TMEM232: variants seen among roughly 807,000 people sequenced by gnomAD.
The protein encoded by TMEM232 is transmembrane protein 232.
A neutral mutation model predicts 78.8 loss-of-function variants in TMEM232; 80 were observed. The observed-to-expected ratio is 1.01, with a 90% CI of 0.85 to 1.22. TMEM232 has a LOEUF of 1.22. Ranked by LOEUF, TMEM232 falls within the 50% of genes most tolerant of loss-of-function variation. The pLI, the probability that TMEM232 is intolerant of heterozygous loss-of-function variation, is 0.00. For missense variants in TMEM232, 881 were observed against 742.2 expected, an observed-to-expected ratio of 1.19 and a Z score of -2.17; for synonymous variants, 297 against 254.3, an observed-to-expected ratio of 1.17 and a Z score of -1.60.
chr5:110,469,718 G>C (rs1171247130), intron 12 of TMEM232, among the ~76,000 whole-genome samples: 1 of 152,136 alleles, frequency 6.6e-6, no homozygotes, highest in African/African-American at 2.4e-5. Flanking sequence ...AATCCCCTCA[G>C]CCTGAGCTGA....
intron 2 of TMEM232, among the ~76,000 whole-genome samples, chr5:110,651,382 G>A (rs1352226194): frequency 6.6e-6 from 1 of 150,386 alleles, no homozygotes; most frequent in Non-Finnish European, 1.5e-5. Flanking sequence ...CAGAAAGCAA[G>A]AGACAAAGAA....
At chr5:110,490,624 C>T (rs892209839) in intron 12 of TMEM232, among the ~76,000 whole-genome samples, 2 of 152,038 alleles carry the variant, frequency 1.3e-5, no homozygotes, top group Admixed American at 6.6e-5. Context: ...GTGGGACTGA[C>T]ATAAGCATAG....
intron 10 of TMEM232, among the ~76,000 whole-genome samples, chr5:110,585,868 T>C (rs1477233802): frequency 6.6e-6 from 1 of 152,012 alleles, no homozygotes; most frequent in African/African-American, 2.4e-5. Flanking sequence ...GAAGTACTAA[T>C]GCAAACAAAA....
At chr5:110,708,037 G>A (rs768084786) in intron 1 of TMEM232, among the ~76,000 whole-genome samples, 1 of 152,138 alleles carries the variant, frequency 6.6e-6, no homozygotes, top group African/African-American at 2.4e-5. Context: ...CATGAGCCTT[G>A]GGTGAGACTC....
At chr5:110,520,572 G>C (rs1561614703) in intron 12 of TMEM232, among the ~76,000 whole-genome samples, 1 of 152,138 alleles carries the variant, frequency 6.6e-6, no homozygotes, top group African/African-American at 2.4e-5. Flanking sequence ...ATTAAGAAGA[G>C]TTTTGTTCCA....
At chr5:110,566,396 C>T (rs180961087) in intron 11 of TMEM232, among the ~76,000 whole-genome samples, 2 of 151,856 alleles carry the variant, frequency 1.3e-5, no homozygotes, top group East Asian at 3.9e-4. Flanking sequence ...TGAATTCCTT[C>T]CCAAAAAATG....
chr5:110,479,447 C>A (rs1036401366), intron 12 of TMEM232, among the ~76,000 whole-genome samples: 9 of 151,776 alleles, frequency 5.9e-5, no homozygotes, highest in African/African-American at 2.2e-4. Flanking sequence ...TCATGTCTCT[C>A]TAGTCACTAA....
intron 10 of TMEM232, among the ~76,000 whole-genome samples, chr5:110,573,803 G>A (rs779561541): frequency 6.6e-6 from 1 of 152,052 alleles, no homozygotes; most frequent in African/African-American, 2.4e-5. Context: ...ATTTCCAAGA[G>A]TGGAGGATGA....
Position 110,585,572 on chromosome 5 carries a change from G to A in TMEM232, c.1277-16947C>T, listed in dbSNP as rs550594501. Among the ~76,000 whole-genome samples the A allele has an allele frequency of 1.2e-4, 18 of 152,260 alleles. 1 individual carries two copies. The highest frequency in any genetic ancestry group is 6.8e-3 in the Middle Eastern group (2 of 292). ...TCAAGATTTGGAAAATGGAGTAAAA[G>A]TGGGCAGTCTTAGAATATTTGGCCA... On this transcript the variant is annotated intron_variant, in intron 10 of 13. Coordinates refer to ENST00000455884, the MANE Select transcript of TMEM232 (RefSeq NM_001039763.4).
intron 2 of TMEM232, among the ~76,000 whole-genome samples, chr5:110,731,957 T>C (rs1317285185): frequency 3.3e-5 from 5 of 152,192 alleles, no homozygotes; most frequent in Non-Finnish European, 7.3e-5. Context: ...CCTTTTAAAA[T>C]TGAATGCTTT....
intron 12 of TMEM232, chr5:110,429,880 A>G (rs1053605456): frequency 6.6e-6 from 1 of 151,646 alleles, no homozygotes; most frequent in African/African-American, 2.4e-5. Context: ...CATTGTTTGG[A>G]ACCTTACCTT....
intron 12 of TMEM232, among the ~76,000 whole-genome samples, chr5:110,463,360 A>G (rs548284083): frequency 6.6e-6 from 1 of 152,344 alleles, no homozygotes; most frequent in South Asian, 2.1e-4. Context: ...ATGTTATTGC[A>G]TGCTTCATAG....
At chr5:110,394,457 G>T (rs1426939639) in intron 3 of TMEM232, among the ~76,000 whole-genome samples, 3 of 152,030 alleles carry the variant, frequency 2.0e-5, no homozygotes, top group African/African-American at 7.2e-5. Context: ...CCTTTCCTTT[G>T]GTTATATACC....
rs1756503162 is a variant in TMEM232, at chr5:110,420,258, C to T, written c.*322G>A. 1 of 178,604 alleles carries T rather than the reference C, an allele frequency of 5.6e-6. No homozygotes were observed. The highest frequency in any genetic ancestry group is 1.2e-5 in the Non-Finnish European group (1 of 86,520). The allele number at this position is 178,604 out of a possible 1,614,324, so 11.1% of individuals were successfully genotyped here. A position where few individuals can be genotyped will look rare whatever the true frequency, so the allele number is the denominator to read the frequency against. ...ATCAAACTGTTTGTTTGATGAATAT[C>T]AATGTTCTGAGAATCAGTTATCAAG... On this transcript the variant is annotated 3_prime_UTR_variant, in exon 14 of 14. Coordinates refer to ENST00000455884, the MANE Select transcript of TMEM232 (RefSeq NM_001039763.4).
intron 1 of TMEM232, among the ~76,000 whole-genome samples, chr5:110,696,293 G>A (rs955269116): frequency 6.6e-6 from 1 of 152,142 alleles, no homozygotes; most frequent in Non-Finnish European, 1.5e-5. Flanking sequence ...GGTATTGATG[G>A]GACGTATCTC....
chr5:110,449,805 C>G (rs988123024), intron 12 of TMEM232, among the ~76,000 whole-genome samples: 3 of 152,134 alleles, frequency 2.0e-5, no homozygotes, highest in African/African-American at 7.2e-5. Context: ...ATGGCTTCTT[C>G]TAAAATTTGT....
intron 9 of TMEM232, among the ~76,000 whole-genome samples, chr5:110,605,913 A>G (rs1045724091): frequency 5.9e-5 from 9 of 152,092 alleles, no homozygotes; most frequent in African/African-American, 1.7e-4. Flanking sequence ...CAAATTTAAT[A>G]ACCAACAATA....
At chr5:110,611,905 C>T (rs1379998678) in intron 8 of TMEM232, among the ~76,000 whole-genome samples, 2 of 152,140 alleles carry the variant, frequency 1.3e-5, no homozygotes, top group East Asian at 1.9e-4. Context: ...CATACAACAC[C>T]GTCAGATCCT....
chr5:110,625,762 T>C (rs4957906), intron 6 of TMEM232, among the ~76,000 whole-genome samples: 8,388 of 152,060 alleles, frequency 0.055, 497 homozygotes, highest in East Asian at 0.26. Context: ...GTATTCATAA[T>C]GGATACTTTG....
Sources: allele counts gnomAD v4.1 joint callset (sites outside exome capture counted in the v4.1 genomes callset), GRCh38; gene constraint gnomAD v4.1.1; transcripts MANE v1.5; gene names NCBI Gene and HGNC (gene_info 2026-07-23, HGNC 2026-07-21).